SLC35E4: variants seen among roughly 807,000 people sequenced by gnomAD.
SLC35E4 encodes solute carrier family 35 member E4, also known as solute carrier family 35, member E4.
In SLC35E4, 15 loss-of-function variants were observed where a neutral mutation model predicts 19.3. That is an observed-to-expected ratio of 0.78 (90% confidence interval 0.52 to 1.20). The LOEUF (loss-of-function observed/expected upper bound fraction) is 1.20. Ranked by LOEUF, SLC35E4 falls within the 50% of genes most tolerant of loss-of-function variation. The pLI is 0.00. For missense variants in SLC35E4, 406 were observed against 472.3 expected, an observed-to-expected ratio of 0.86 and a Z score of 1.30; for synonymous variants, 219 against 219.9, an observed-to-expected ratio of 1.00 and a Z score of 0.04.
At chr22:30,653,403 G>T (rs138160194) in intron 2 of SLC35E4, among the ~76,000 whole-genome samples, 1,466 of 145,148 alleles carry the variant, frequency 0.01, 13 homozygotes, top group South Asian at 0.031. Flanking sequence ...ACAGAGTCTT[G>T]CTCTGTCACC....
chr22:30,646,546 G>A, intron 1 of SLC35E4, 52 bp from the exon 2 acceptor site: 2 of 1,554,990 alleles, frequency 1.3e-6, no homozygotes, highest in Non-Finnish European at 1.7e-6. Flanking sequence ...TACTGGGGTG[G>A]CTGGAGGGGG....
downstream of SLC35E4, among the ~76,000 whole-genome samples, chr22:30,651,423 ATATATTTTTTTTTTTTTTT>A (rs1249695286): frequency 0.017 from 618 of 37,242 alleles, 2 homozygotes; most frequent in East Asian, 0.069. Context: ...ATATATATAT[ATATATTTTTTTTTTTTTTT>A]TTTTTTTTTT....
In SLC35E4 at chr22:30,636,445, G is replaced by C; in HGVS notation, c.-6G>C. 6.8e-7 allele frequency: 1 copy of C among 1,480,118 alleles called. No individual in the cohort carries two copies. The highest frequency in any genetic ancestry group is 9.0e-7 in the Non-Finnish European group (1 of 1,108,958). The allele number at this position is 1,480,118 out of a possible 1,614,324, so 91.7% of individuals were successfully genotyped here. Reference sequence around the variant, plus strand: ...CCCGCCTCCTGCCCTAGCCTCACTGGTGCGGATGTGCCGCTGCCCGCCGGA... The same window carrying C: ...CCCGCCTCCTGCCCTAGCCTCACTGCTGCGGATGTGCCGCTGCCCGCCGGA... On this transcript the variant is annotated 5_prime_UTR_variant, in exon 1 of 2. Coordinates refer to ENST00000343605, the MANE Select transcript of SLC35E4 (RefSeq NM_001001479.4).
chr22:30,657,940 AATAATAATAAT>A (rs2145598463), intron 2 of SLC35E4, among the ~76,000 whole-genome samples: 1 of 144,534 alleles, frequency 6.9e-6, no homozygotes, highest in Admixed American at 7.1e-5. Context: ...TAATAATAAT[AATAATAATAAT>A]AATGATTAGC....
chr22:30,655,861 A>C (rs1412705030), intron 2 of SLC35E4, among the ~76,000 whole-genome samples: 1 of 152,194 alleles, frequency 6.6e-6, no homozygotes, highest in African/African-American at 2.4e-5. Context: ...CACACCTCTT[A>C]ACATTCCTCC....
At chr22:30,663,910 C>A, downstream of SLC35E4, 1 of 1,614,160 alleles carries the variant, frequency 6.2e-7, no homozygotes, top group Non-Finnish European at 8.5e-7. Context: ...GCGGCCACAC[C>A]ATTGCTGATA....
rs577702111 is a variant in SLC35E4 at position 30,647,107 on chromosome 22, G to A, written c.*76G>A. Reference sequence around the variant, plus strand: ...CCTCCGCTGTGGCCATAGAAGGAATGGAGAACAGGGCTGGGCATGGTGGCT... The same window carrying A: ...CCTCCGCTGTGGCCATAGAAGGAATAGAGAACAGGGCTGGGCATGGTGGCT... On this transcript the variant is annotated 3_prime_UTR_variant, in exon 2 of 2. Transcript: ENST00000343605. 3 of 1,474,746 alleles carry A rather than the reference G, an allele frequency of 2.0e-6. No homozygotes were observed. The highest frequency in any genetic ancestry group is 2.8e-5 in the African/African-American group (2 of 71,758). 91.4% of individuals were successfully genotyped at this position (1,474,746 alleles called of 1,614,324 possible). A position where few individuals can be genotyped will look rare whatever the true frequency, so the allele number is the denominator to read the frequency against.
At chr22:30,666,621 CAAAAAAA>C (rs55979351), downstream of SLC35E4, among the ~76,000 whole-genome samples, 12 of 62,500 alleles carry the variant, frequency 1.9e-4, no homozygotes, top group South Asian at 8.2e-4. Context: ...GACTCCATCT[CAAAAAAA>C]AAAAAAAAAA....
intron 1 of SLC35E4, among the ~76,000 whole-genome samples, chr22:30,640,151 G>T (rs2088015300): frequency 6.6e-6 from 1 of 152,136 alleles, no homozygotes; most frequent in Admixed American, 6.6e-5. Flanking sequence ...GAGGTGGGAG[G>T]ATCACGAGGT....
chr22:30,668,629 CCT>C (rs1377910026), exon 3 of SLC35E4: 2 of 152,240 alleles, frequency 1.3e-5, no homozygotes, highest in Non-Finnish European at 2.9e-5. Context: ...CTGTGACTCT[CCT>C]TAGAGCCTGG....
At chr22:30,652,862 T>A (rs1160887563), downstream of SLC35E4, among the ~76,000 whole-genome samples, 1 of 152,238 alleles carries the variant, frequency 6.6e-6, no homozygotes, top group Admixed American at 6.5e-5. Context: ...TACAAGTCTA[T>A]TTAGTGTGAG....
intron 1 of SLC35E4, among the ~76,000 whole-genome samples, chr22:30,638,102 A>C (rs548836667): frequency 2.6e-5 from 4 of 152,064 alleles, no homozygotes; most frequent in East Asian, 1.9e-4. Flanking sequence ...ATGGTATCTC[A>C]TGCCTGTAAT....
downstream of SLC35E4, chr22:30,649,182 A>G: frequency 1.4e-6 from 1 of 716,372 alleles, no homozygotes; most frequent in Non-Finnish European, 2.6e-6. Flanking sequence ...AGATCTGCAA[A>G]ATGGAACTGA....
At chr22:30,640,138 A>G (rs1331486889) in intron 1 of SLC35E4, among the ~76,000 whole-genome samples, 6 of 152,120 alleles carry the variant, frequency 3.9e-5, no homozygotes. Flanking sequence ...ACTTCCCGCA[A>G]CAGAGGTGGG....
At chr22:30,645,756 G>C (rs2088118343) in intron 1 of SLC35E4, among the ~76,000 whole-genome samples, 1 of 151,572 alleles carries the variant, frequency 6.6e-6, no homozygotes, top group Non-Finnish European at 1.5e-5. Context: ...GGGCTCAAGT[G>C]ATCCTCCTGC....
At chr22:30,662,030 ATTTTTTTTTTT>A (rs33914926) in intron 2 of SLC35E4, 2 of 132,196 alleles carry the variant, frequency 1.5e-5, no homozygotes, top group Non-Finnish European at 3.1e-5. Context: ...GACTTAAACC[ATTTTTTTTTTT>A]TTTTTTTTTT....
downstream of SLC35E4, among the ~76,000 whole-genome samples, chr22:30,649,996 C>T (rs1280283385): frequency 6.7e-6 from 1 of 149,512 alleles, no homozygotes; most frequent in Non-Finnish European, 1.5e-5. Flanking sequence ...CCTATCACCC[C>T]TCCCAGCAGT....
intron 1 of SLC35E4, among the ~76,000 whole-genome samples, chr22:30,641,776 G>A (rs575968162): frequency 4.7e-4 from 65 of 139,644 alleles, no homozygotes; most frequent in Non-Finnish European, 8.9e-4. Flanking sequence ...GCCCAGGCTG[G>A]TCTCAAACCC....
chr22:30,648,754 C>T (rs1436656535), downstream of SLC35E4, among the ~76,000 whole-genome samples: 1 of 152,084 alleles, frequency 6.6e-6, no homozygotes, highest in Admixed American at 6.5e-5. Context: ...AAAATCCAAT[C>T]GCTTGAGGCC....
Sources: gnomAD v4.1 joint callset for allele counts (sites outside exome capture counted in the v4.1 genomes callset) on GRCh38, gnomAD v4.1.1 for gene constraint, MANE v1.5 for transcripts, NCBI Gene and HGNC (gene_info 2026-07-23, HGNC 2026-07-21) for gene names.